Variants in SPAG9 observed in about 807,000 individuals in gnomAD.
The protein encoded by SPAG9 is sperm associated antigen 9.
In SPAG9, 35 loss-of-function variants were observed where a neutral mutation model predicts 166.5. The observed-to-expected ratio is 0.21, with a 90% CI of 0.16 to 0.28. SPAG9 has a LOEUF of 0.28. Among genes scored for constraint, SPAG9 ranks in the 10% least tolerant of loss-of-function variants. The pLI is 1.00. For synonymous variants in SPAG9, 534 were observed against 565.5 expected (o/e 0.94, Z 0.79); for missense variants, 1,235 against 1,603.3 (o/e 0.77, Z 3.92).
Position 51,120,742 on chromosome 17 carries a change from G to T in SPAG9, c.-86C>A, listed in dbSNP as rs1363438368. 1 of 1,260,196 alleles carries T rather than the reference G, an allele frequency of 7.9e-7. No homozygotes were observed. The highest frequency in any genetic ancestry group is 1.1e-6 in the Non-Finnish European group (1 of 925,942). The allele number at this position is 1,260,196 out of a possible 1,614,324, so 78.1% of individuals were successfully genotyped here. On this transcript the variant is annotated 5_prime_UTR_variant, in exon 1 of 30. Coordinates refer to ENST00000262013, the MANE Select transcript of SPAG9 (RefSeq NM_001130528.3). The surrounding 1 kb of genome is among the most constrained non-coding windows in gnomAD (Gnocchi z 4.7). ...GCACGGGACGGACCCGACTCGGGCT[G>T]GGACGGGTACTAGGGCTGGAGCCCG...
chr17:51,062,691 AG>A (rs2047550554), intron 2 of SPAG9, among the ~76,000 whole-genome samples: 3 of 152,238 alleles, frequency 2.0e-5, no homozygotes, highest in Middle Eastern at 3.4e-3. Context: ...GCCAGGTTCG[AG>A]CAATTCTCGT....
chr17:51,089,663 T>TATACACAC (rs1403230293), intron 1 of SPAG9, among the ~76,000 whole-genome samples: 2 of 78,310 alleles, frequency 2.6e-5, no homozygotes, highest in African/African-American at 8.8e-5. Flanking sequence ...TATATATATA[T>TATACACAC]ACACATACAC....
chr17:51,053,783 C>A (rs1350519397), intron 3 of SPAG9, among the ~76,000 whole-genome samples: 1 of 135,218 alleles, frequency 7.4e-6, no homozygotes, highest in African/African-American at 2.7e-5. Flanking sequence ...GGCTGCAGTG[C>A]GCTATGACTG....
chr17:51,000,628 G>C (rs1285647239), intron 13 of SPAG9, among the ~76,000 whole-genome samples: 1 of 152,024 alleles, frequency 6.6e-6, no homozygotes, highest in Non-Finnish European at 1.5e-5. Flanking sequence ...CCAGCTACCA[G>C]GGAGGATGAG....
intron 3 of SPAG9, among the ~76,000 whole-genome samples, chr17:51,053,568 C>T (rs928069139): frequency 5.3e-5 from 8 of 151,672 alleles, no homozygotes; most frequent in African/African-American, 1.9e-4. Flanking sequence ...TCCAGTAATC[C>T]CAGCTACTCA....
At chr17:51,007,714 G>A (rs1188844157) in intron 9 of SPAG9, 7 of 360,458 alleles carry the variant, frequency 1.9e-5, no homozygotes, top group South Asian at 2.2e-5. Flanking sequence ...AATATGGATC[G>A]AAATTGTTTC....
intron 1 of SPAG9, among the ~76,000 whole-genome samples, chr17:51,118,571 C>T (rs1353752214): frequency 6.6e-6 from 1 of 152,158 alleles, no homozygotes; most frequent in East Asian, 1.9e-4. Context: ...TGGTTAATTC[C>T]CAGTCACTTC....
At chr17:51,003,083 T>A (rs1282229154) in intron 12 of SPAG9, among the ~76,000 whole-genome samples, 3 of 150,068 alleles carry the variant, frequency 2.0e-5, no homozygotes, top group Non-Finnish European at 4.4e-5. Flanking sequence ...AAAATAAAAT[T>A]AAATTAATAG....
intron 2 of SPAG9, among the ~76,000 whole-genome samples, chr17:51,063,434 T>A (rs750218216): frequency 6.6e-6 from 1 of 151,088 alleles, no homozygotes; most frequent in Non-Finnish European, 1.5e-5. Context: ...AAAAATTGTA[T>A]GCTGACCACG....
intron 1 of SPAG9, among the ~76,000 whole-genome samples, chr17:51,114,017 TA>T (rs2049205924): frequency 6.6e-6 from 1 of 150,620 alleles, no homozygotes; most frequent in South Asian, 2.1e-4. Flanking sequence ...AAAAGATCTA[TA>T]AAAATATTAA....
intron 19 of SPAG9, among the ~76,000 whole-genome samples, chr17:50,993,230 C>T (rs887901693): frequency 1.3e-5 from 2 of 149,004 alleles, no homozygotes. Flanking sequence ...GCAGGAGAAT[C>T]ACTTGAACCT....
At position 51,114,186 on chromosome 17, in the gene SPAG9, C is replaced by G. The variant is rs183603190; in HGVS notation, c.303+6168G>C. Reference sequence around the variant, plus strand: ...ATTAAAACTACAAAAATTAGCCGGGCGTGCTGGCGCGTGCCTGTAATCCCA... The same window carrying G: ...ATTAAAACTACAAAAATTAGCCGGGGGTGCTGGCGCGTGCCTGTAATCCCA... On this transcript the variant is annotated intron_variant, in intron 1 of 29. Transcript: ENST00000262013. Among the ~76,000 whole-genome samples, 529 of 152,024 alleles carry G rather than the reference C, an allele frequency of 3.5e-3. 2 individuals are homozygous for G. The highest frequency in any genetic ancestry group is 0.012 in the African/African-American group (509 of 41,450).
At chr17:51,056,616 C>T in intron 2 of SPAG9, 134 bp from the exon 3 acceptor site, 1 of 614,792 alleles carries the variant, frequency 1.6e-6, no homozygotes, top group Non-Finnish European at 2.9e-6. Context: ...CAAGTCTTCA[C>T]AAAGCAGTGA....
rs768209184 is a variant in SPAG9 at position 50,984,941 on chromosome 17, T to C, written c.3070A>G (p.Ile1024Val). The C allele has an allele frequency of 2.7e-5, 43 of 1,614,016 alleles. No homozygotes were observed. Among genetic ancestry groups the C allele is most frequent in the Non-Finnish European group, 3.4e-5 (40 of 1,179,990 alleles). ...LVALADGTLA[I>V]FHRGVDGQWD... The stretch of plus-strand genomic sequence containing the variant: ...CACTCACCCACTCCTCTGTGAAAGA[T>C]TGCAAGGGTGCCGTCAGCCAGGGCT... Residue 1024 changes from isoleucine to valine, a missense_variant, in exon 24 of 30, where the codon ATC becomes GTC. Ile to Val is a conservative substitution (Grantham distance 29). Coordinates refer to ENST00000262013, the MANE Select transcript of SPAG9 (RefSeq NM_001130528.3).
rs1313020945 is a variant in SPAG9, at chr17:50,995,098, C to G, written c.2185G>C (p.Ala729Pro). 6.2e-7 allele frequency: 1 copy of G among 1,613,962 alleles called. No homozygotes were observed. The highest frequency in any genetic ancestry group is 1.7e-5 in the Admixed American group (1 of 59,992). The change falls in exon 18 of 30, where the codon GCC becomes CCC. Residue 729 changes from alanine to proline, a missense_variant. Physicochemically the swap from Ala to Pro is conservative, Grantham distance 27 (BLOSUM62 -1). Transcript: ENST00000262013. ...LDTEGSKQRS[A>P]SQSSLDKLDQ... is the part of the protein sequence containing the mutation. ...AACTTATCTAAACTACTCTGAGAGG[C>G]ACTTCGCTGTTTACTGCCTTCTGTA...
chr17:51,092,064 AAAG>A (rs2048482321), intron 1 of SPAG9, among the ~76,000 whole-genome samples: 1 of 152,066 alleles, frequency 6.6e-6, no homozygotes, highest in Non-Finnish European at 1.5e-5. Flanking sequence ...AAGAAAAGAA[AAAG>A]AATAGCCATT....
intron 4 of SPAG9, among the ~76,000 whole-genome samples, chr17:51,045,312 G>A (rs2046981544): frequency 6.6e-6 from 1 of 152,082 alleles, no homozygotes; most frequent in South Asian, 2.1e-4. Flanking sequence ...CTTAAGTTCA[G>A]TTGCTTTTAA....
intron 4 of SPAG9, 113 bp from the exon 5 acceptor site, chr17:51,041,764 T>C: frequency 1.1e-6 from 1 of 930,914 alleles, no homozygotes; most frequent in Non-Finnish European, 1.7e-6. Context: ...CACTCAAAAA[T>C]GACACTGTCT....
intron 2 of SPAG9, among the ~76,000 whole-genome samples, chr17:51,075,195 C>CAAAAAAAAAAAAAAAA (rs57533555): frequency 3.5e-5 from 1 of 28,946 alleles, no homozygotes; most frequent in Admixed American, 4.7e-4. Context: ...GACTCCATCT[C>CAAAAAAAAAAAAAAAA]AAAAAAAAAA....
Sources: allele counts gnomAD v4.1 joint callset (sites outside exome capture counted in the v4.1 genomes callset), GRCh38; gene constraint gnomAD v4.1.1; non-coding constraint Gnocchi (gnomAD v3.1); transcripts MANE v1.5; gene names NCBI Gene and HGNC (gene_info 2026-07-23, HGNC 2026-07-21).